KLF12: variants seen among roughly 807,000 people sequenced by gnomAD.
KLF12 encodes the protein Krueppel-like factor 12.
In KLF12, 9 loss-of-function variants were observed where a neutral mutation model predicts 37.8. The observed-to-expected ratio is 0.24, with a 90% CI of 0.14 to 0.42. The LOEUF is 0.42. Ranked by LOEUF, KLF12 falls within the 10% of genes least tolerant of loss-of-function variation. KLF12 has a pLI of 1.00. For synonymous variants in KLF12, 208 were observed against 202.1 expected (o/e 1.03, Z -0.25); for missense variants, 411 against 516.0 (o/e 0.80, Z 1.97).
the KLF12 span, among the ~76,000 whole-genome samples, chr13:74,139,907 G>A: frequency 2.6e-5 from 4 of 150,996 alleles, no homozygotes; most frequent in Non-Finnish European, 2.9e-5. Context: ...ACTCTCCATG[G>A]AAATAATTTA....
chr13:73,723,138 T>G (rs1056686785), intron 6 of KLF12, among the ~76,000 whole-genome samples: 76 of 152,248 alleles, frequency 5.0e-4, no homozygotes, highest in African/African-American at 1.6e-3. Context: ...CAGTCTGTTC[T>G]GGTTGGCTAT....
intron 6 of KLF12, among the ~76,000 whole-genome samples, chr13:73,757,643 T>C (rs1879262388): frequency 6.6e-6 from 1 of 152,184 alleles, no homozygotes; most frequent in Admixed American, 6.5e-5. Flanking sequence ...TGCTGGCACA[T>C]GGAGCATTCC....
chr13:73,790,776 C>T (rs1881640092), intron 5 of KLF12, among the ~76,000 whole-genome samples: 1 of 152,180 alleles, frequency 6.6e-6, no homozygotes, highest in South Asian at 2.1e-4. Flanking sequence ...AGCAGATACC[C>T]TTAGCTCCAT....
chr13:74,276,245 T>C, the KLF12 span, among the ~76,000 whole-genome samples: 2 of 152,046 alleles, frequency 1.3e-5, no homozygotes, highest in Admixed American at 6.6e-5. Context: ...TTTCTGTTCC[T>C]GTGTTAGTTT....
chr13:73,738,197 T>G (rs140163740), intron 6 of KLF12, among the ~76,000 whole-genome samples: 1,867 of 140,670 alleles, frequency 0.013, 30 homozygotes, highest in African/African-American at 0.047. Context: ...CAGGCTAGAG[T>G]GCAGTGGCCT....
At chr13:73,836,421 T>G (rs1884438118) in intron 4 of KLF12, among the ~76,000 whole-genome samples, 2 of 152,208 alleles carry the variant, frequency 1.3e-5, no homozygotes, top group Admixed American at 6.5e-5. Context: ...AAAACCGTGC[T>G]GGTAATGATT....
intron 1 of KLF12, among the ~76,000 whole-genome samples, chr13:74,101,775 A>G (rs1794889056): frequency 6.6e-6 from 1 of 152,220 alleles, no homozygotes; most frequent in South Asian, 2.1e-4. Flanking sequence ...AATCTGTGAC[A>G]TAATATATGA....
At chr13:73,765,030 T>C (rs200020395) in intron 5 of KLF12, 30 bp from the exon 6 acceptor site, 2 of 1,341,336 alleles carry the variant, frequency 1.5e-6, no homozygotes, top group African/African-American at 1.5e-5. Flanking sequence ...ATCCAGTCAT[T>C]GAAAAAGCAT....
upstream of KLF12, among the ~76,000 whole-genome samples, chr13:74,137,716 A>G (rs1323970393): frequency 1.3e-5 from 2 of 152,158 alleles, no homozygotes; most frequent in African/African-American, 2.4e-5. Context: ...CTGTCTTTGT[A>G]AAATTAGTGG....
In KLF12 at chr13:73,689,308, CT is replaced by C. The variant is rs1873684007; in HGVS notation, c.*6181del. The C allele has an allele frequency of 6.6e-6, 1 of 151,920 alleles. No homozygotes were observed. Among genetic ancestry groups the C allele is most frequent in the South Asian group, 2.1e-4 (1 of 4,816 alleles). 9.4% of individuals were successfully genotyped at this position (151,920 alleles called of 1,614,324 possible). ...AAAACAGTGGATGTTTTTTTGAGGCCTGTGGTCTGAGTCCATCATGGAAGTC... is the reference window on the plus strand; with the variant it reads ...AAAACAGTGGATGTTTTTTTGAGGCCGTGGTCTGAGTCCATCATGGAAGTC... On this transcript the variant is annotated 3_prime_UTR_variant, in exon 8 of 8. Transcript: ENST00000377669.
intron 1 of KLF12, among the ~76,000 whole-genome samples, chr13:74,029,430 T>G (rs1386258700): frequency 6.6e-6 from 1 of 152,084 alleles, no homozygotes; most frequent in Non-Finnish European, 1.5e-5. Context: ...ATTTTAAGTT[T>G]AAGATCATAA....
At chr13:73,985,421 C>T (rs1173772676) in intron 2 of KLF12, among the ~76,000 whole-genome samples, 2 of 152,176 alleles carry the variant, frequency 1.3e-5, no homozygotes, top group Admixed American at 6.5e-5. Flanking sequence ...TTTGAGTGCA[C>T]ATGATTGAAA....
chr13:74,114,556 T>C (rs1877173646), intron 1 of KLF12, among the ~76,000 whole-genome samples: 1 of 152,156 alleles, frequency 6.6e-6, no homozygotes, highest in African/African-American at 2.4e-5. Flanking sequence ...CACTCTAAGC[T>C]GCCAAAGAGA....
At chr13:73,706,278 G>T (rs934069998) in intron 7 of KLF12, among the ~76,000 whole-genome samples, 1 of 152,150 alleles carries the variant, frequency 6.6e-6, no homozygotes, top group African/African-American at 2.4e-5. Context: ...TTATTTAAAT[G>T]AGGTAATAAT....
the KLF12 span, among the ~76,000 whole-genome samples, chr13:74,239,676 A>T: frequency 2.0e-3 from 277 of 138,952 alleles, 2 homozygotes; most frequent in African/African-American, 7.0e-3. Context: ...TGTTGAATTG[A>T]TCCCTTTACC....
upstream of KLF12, among the ~76,000 whole-genome samples, chr13:74,138,815 A>G (rs1878629384): frequency 6.6e-6 from 1 of 152,156 alleles, no homozygotes; most frequent in South Asian, 2.1e-4. Flanking sequence ...AGTTGGCACA[A>G]ATTAGTTACA....
chr13:73,955,684 G>T (rs1373615855), intron 2 of KLF12, among the ~76,000 whole-genome samples: 2 of 152,178 alleles, frequency 1.3e-5, no homozygotes, highest in African/African-American at 4.8e-5. Flanking sequence ...TACTGTTTAA[G>T]AGAAAGACAT....
At chr13:74,086,854 G>C (rs1306947607) in intron 1 of KLF12, among the ~76,000 whole-genome samples, 1 of 152,090 alleles carries the variant, frequency 6.6e-6, no homozygotes, top group East Asian at 1.9e-4. Context: ...AAGTAAGCTA[G>C]AGAAAATAAA....
At chr13:74,064,656 C>T (rs1402193790) in intron 1 of KLF12, among the ~76,000 whole-genome samples, 2 of 152,150 alleles carry the variant, frequency 1.3e-5, no homozygotes, top group Non-Finnish European at 2.9e-5. Flanking sequence ...ATTCTGAATG[C>T]TGAAAGGTCA....
Sources: gnomAD v4.1 joint callset for allele counts (sites outside exome capture counted in the v4.1 genomes callset) on GRCh38, gnomAD v4.1.1 for gene constraint, MANE v1.5 for transcripts, NCBI Gene and HGNC (gene_info 2026-07-23, HGNC 2026-07-21) for gene names.